Variants in NCBP3 observed in about 807,000 individuals in gnomAD.
NCBP3 encodes nuclear cap binding subunit 3.
Under a neutral mutation model 75.7 loss-of-function variants are expected in NCBP3, and 20 were observed. The ratio of observed to expected loss-of-function variants is 0.26; its 90% confidence interval spans 0.19 to 0.38. The LOEUF is 0.38. Ranked by LOEUF, NCBP3 falls within the 10% of genes least tolerant of loss-of-function variation. The pLI is 1.00. For synonymous variants in NCBP3, 293 were observed against 290.5 expected (o/e 1.01, Z -0.09); for missense variants, 678 against 796.9 (o/e 0.85, Z 1.80).
intron 7 of NCBP3, 180 bp downstream of exon 7, chr17:3,824,762 C>T: frequency 2.6e-6 from 1 of 379,034 alleles, no homozygotes; most frequent in Middle Eastern, 7.5e-4. Flanking sequence ...TTAATATTCA[C>T]TTTTAAAGTC....
At position 3,835,302 on chromosome 17, in the gene NCBP3, T is replaced by C. The variant is rs148495066; in HGVS notation, c.355+4798A>G. Among the ~76,000 whole-genome samples the C allele has an allele frequency of 1.3e-3, 198 of 152,332 alleles. 1 individual carries two copies. Among genetic ancestry groups the C allele is most frequent in the African/African-American group, 4.5e-3 (188 of 41,588 alleles). ...AAAAGACCTAAGTGCTTTGGCTGCA[T>C]ATAGGATGAGTGCAACACTGAAATG... On this transcript the variant is annotated intron_variant, in intron 3 of 12. Transcript: ENST00000389005.
In NCBP3 at chr17:3,818,091, T is replaced by G. The variant is rs942605431; in HGVS notation, c.1310+172A>C. On this transcript the variant is annotated intron_variant, in intron 10 of 12. Transcript: ENST00000389005. This position sits in a 1 kb window ranked among gnomAD's most constrained non-coding sequence, Gnocchi z 4.7. ...CACTTTCTATGTTGTCTTTTGTTTTTATAACAAGAATCACTGCTTGTATAG... is the reference window on the plus strand; with the variant it reads ...CACTTTCTATGTTGTCTTTTGTTTTGATAACAAGAATCACTGCTTGTATAG... Among the ~76,000 whole-genome samples the G allele has an allele frequency of 6.6e-6, 1 of 152,220 alleles. No individual in the cohort carries two copies. Among genetic ancestry groups the G allele is most frequent in the African/African-American group, 2.4e-5 (1 of 41,450 alleles).
chr17:3,816,349 T>C, intron 10 of NCBP3, 79 bp from the exon 11 acceptor site: 5 of 1,271,066 alleles, frequency 3.9e-6, no homozygotes, highest in South Asian at 1.4e-5. Context: ...TCTCATACTT[T>C]GGAGGAAACA....
In NCBP3 at chr17:3,803,635, G is replaced by A. The variant is rs929095329; in HGVS notation, c.*9409C>T. Reference sequence around the variant, plus strand: ...GGGGTGAGGGAGAAGAGGAGGGAACGAATGAAAGAGAAAATGTGGCAAAAT... The same window carrying A: ...GGGGTGAGGGAGAAGAGGAGGGAACAAATGAAAGAGAAAATGTGGCAAAAT... On this transcript the variant is annotated 3_prime_UTR_variant, in exon 13 of 13. Coordinates refer to ENST00000389005, the MANE Select transcript of NCBP3 (RefSeq NM_001114118.3). The A allele has an allele frequency of 6.6e-6, 1 of 152,184 alleles. No individual in the cohort carries two copies. The highest frequency in any genetic ancestry group is 1.5e-5 in the Non-Finnish European group (1 of 68,034). 9.4% of individuals were successfully genotyped at this position (152,184 alleles called of 1,614,324 possible). A position where few individuals can be genotyped will look rare whatever the true frequency, so the allele number is the denominator to read the frequency against.
intron 3 of NCBP3, among the ~76,000 whole-genome samples, chr17:3,833,519 ATG>A (rs2053920531): frequency 6.6e-6 from 1 of 151,946 alleles, no homozygotes; most frequent in Non-Finnish European, 1.5e-5. Context: ...TAAAATAGAC[ATG>A]TGAGGCTGGG....
Position 3,835,607 on chromosome 17 carries a change from C to T in NCBP3, c.355+4493G>A, listed in dbSNP as rs185969247. ...AGGCAATGCTCAACACAAGTAAGTACCCAAAAATAAAGTTGCCTGTCTCAT... is the reference window on the plus strand; with the variant it reads ...AGGCAATGCTCAACACAAGTAAGTATCCAAAAATAAAGTTGCCTGTCTCAT... On this transcript the variant is annotated intron_variant, in intron 3 of 12. Coordinates refer to ENST00000389005, the MANE Select transcript of NCBP3 (RefSeq NM_001114118.3). Among the ~76,000 whole-genome samples, 667 of 152,336 alleles carry T rather than the reference C, an allele frequency of 4.4e-3. 4 individuals are homozygous for T. The highest frequency in any genetic ancestry group is 0.015 in the African/African-American group (627 of 41,572).
Position 3,809,923 on chromosome 17 carries a change from T to C in NCBP3, c.*3121A>G, listed in dbSNP as rs2053383994. ...CAGTCACAAATAGACACATAGTATA[T>C]GATCCCATTTATATGAACTATCCAG... On this transcript the variant is annotated 3_prime_UTR_variant, in exon 13 of 13. Coordinates refer to ENST00000389005, the MANE Select transcript of NCBP3 (RefSeq NM_001114118.3). 1.3e-5 allele frequency: 2 copies of C among 152,184 alleles called. No homozygotes were observed. Among genetic ancestry groups the C allele is most frequent in the Non-Finnish European group, 2.9e-5 (2 of 68,040 alleles). 9.4% of individuals were successfully genotyped at this position (152,184 alleles called of 1,614,324 possible).
chr17:3,831,237 T>C (rs569931371), intron 3 of NCBP3, among the ~76,000 whole-genome samples: 3 of 151,982 alleles, frequency 2.0e-5, no homozygotes, highest in Admixed American at 1.3e-4. Context: ...TTAAGTACAT[T>C]ATCTCCTTTA....
At chr17:3,840,766 C>T (rs1276898261) in intron 2 of NCBP3, among the ~76,000 whole-genome samples, 1 of 152,178 alleles carries the variant, frequency 6.6e-6, no homozygotes, top group Non-Finnish European at 1.5e-5. Context: ...AGTCCACTCC[C>T]TAAAGCTAGT....
rs966962709 is a variant in NCBP3, at chr17:3,806,928, A to G, written c.*6116T>C. The G allele has an allele frequency of 1.3e-5, 2 of 152,206 alleles. No homozygotes were observed. The highest frequency in any genetic ancestry group is 2.9e-5 in the Non-Finnish European group (2 of 68,038). The allele number at this position is 152,206 out of a possible 1,614,324, so 9.4% of individuals were successfully genotyped here. A position where few individuals can be genotyped will look rare whatever the true frequency, so the allele number is the denominator to read the frequency against. On this transcript the variant is annotated 3_prime_UTR_variant, in exon 13 of 13. Transcript: ENST00000389005. ...TAACTTCTAATTTACTGCTTATTATAAGGTTTAAAAGCAATTACTGTACTT... is the reference window on the plus strand; with the variant it reads ...TAACTTCTAATTTACTGCTTATTATGAGGTTTAAAAGCAATTACTGTACTT...
chr17:3,830,057 T>C (rs764656314), intron 3 of NCBP3, among the ~76,000 whole-genome samples: 12 of 152,180 alleles, frequency 7.9e-5, no homozygotes, highest in Non-Finnish European at 1.2e-4. Flanking sequence ...TTACATCTTT[T>C]AGTGTGAAGT....
Position 3,826,091 on chromosome 17 carries a change from T to C in NCBP3, c.606A>G (p.Lys202=). The part of the protein sequence containing the change: ...ASEDKSAEKR[K]KDKQEDSSDD... ...TTCCCTCCTTTGTGTTGTTACCTTT[T>C]TTCCTTTTCTCAGCTGACTTGTCCT... Residue 202 remains lysine, a synonymous_variant, in exon 5 of 13, where the codon AAA becomes AAG. Coordinates refer to ENST00000389005, the MANE Select transcript of NCBP3 (RefSeq NM_001114118.3). The C allele has an allele frequency of 6.4e-7, 1 of 1,551,200 alleles. No homozygotes were observed. The highest frequency in any genetic ancestry group is 8.7e-7 in the Non-Finnish European group (1 of 1,146,792).
intron 1 of NCBP3, 89 bp downstream of exon 1, chr17:3,845,952 G>T (rs1291758854): frequency 5.0e-6 from 7 of 1,405,464 alleles, no homozygotes; most frequent in African/African-American, 4.5e-5. Flanking sequence ...TTCCCCGGCT[G>T]GGGCTCCGGC....
chr17:3,813,035 C>A lies in NCBP3; in HGVS notation c.*9G>T, dbSNP rs200612423. 7 of 1,613,966 alleles carry A rather than the reference C, an allele frequency of 4.3e-6. No homozygotes were observed. In the African/African-American group the frequency reaches 9.3e-5, roughly 22 times the overall value. ...GGCTTTAGGGCAGCTGCCATAGGCC[C>A]CAGGGGCATCAGGACTCTGCCTCTG... On this transcript the variant is annotated 3_prime_UTR_variant, in exon 13 of 13. Transcript: ENST00000389005.
intron 11 of NCBP3, 35 bp downstream of exon 11, chr17:3,816,081 A>T: frequency 6.3e-7 from 1 of 1,594,648 alleles, no homozygotes; most frequent in Non-Finnish European, 8.5e-7. Context: ...TCCGGAGCTC[A>T]GAATCCAGCC....
chr17:3,840,606 A>T (rs2054047250), intron 2 of NCBP3, among the ~76,000 whole-genome samples: 1 of 152,238 alleles, frequency 6.6e-6, no homozygotes, highest in South Asian at 2.1e-4. Context: ...GGCACAAAAA[A>T]GCAAAAAGGT....
Position 3,808,115 on chromosome 17 carries a change from G to A in NCBP3, c.*4929C>T, listed in dbSNP as rs1048952101. On this transcript the variant is annotated 3_prime_UTR_variant, in exon 13 of 13. Transcript: ENST00000389005. Reference sequence around the variant, plus strand: ...AAGCTCATGCCTCTGCTGCACCTGCGGCCTGCCTCAGTTCCCAAGCTCCCC... The same window carrying A: ...AAGCTCATGCCTCTGCTGCACCTGCAGCCTGCCTCAGTTCCCAAGCTCCCC... 1.3e-5 allele frequency: 2 copies of A among 152,140 alleles called. No homozygotes were observed. The highest frequency in any genetic ancestry group is 2.4e-5 in the African/African-American group (1 of 41,416). The allele number at this position is 152,140 out of a possible 1,614,324, so 9.4% of individuals were successfully genotyped here.
rs754596030 is a variant in NCBP3 at position 3,813,199 on chromosome 17, C to T, written c.1708G>A (p.Ala570Thr). The stretch of plus-strand genomic sequence containing the variant: ...TGCAGCTCAGAGTCGTCTTCCTCAG[C>T]GCCAGGCGCCCTGTGATCCACTTTC... The part of the protein sequence containing the change: ...TKKVDHRAPG[A>T]EEDDSELQRA... The change falls in exon 13 of 13, where the codon GCT (alanine) becomes ACT (threonine). Residue 570 changes from alanine to threonine, a missense_variant. Coordinates refer to ENST00000389005, the MANE Select transcript of NCBP3 (RefSeq NM_001114118.3). The T allele has an allele frequency of 3.0e-5, 48 of 1,614,144 alleles. No individual in the cohort carries two copies. Among genetic ancestry groups the T allele is most frequent in the Non-Finnish European group, 3.8e-5 (45 of 1,180,056 alleles).
In NCBP3 at chr17:3,812,623, G is replaced by T. The variant is rs879174497; in HGVS notation, c.*421C>A. ...GATGTCCAATAAGCACCTGGGAATTGACTTTTCTTGGGAAAAGGGTGCTGG... is the reference window on the plus strand; with the variant it reads ...GATGTCCAATAAGCACCTGGGAATTTACTTTTCTTGGGAAAAGGGTGCTGG... On this transcript the variant is annotated 3_prime_UTR_variant, in exon 13 of 13. Transcript: ENST00000389005. The T allele has an allele frequency of 3.6e-5, 37 of 1,018,582 alleles. No homozygotes were observed. The South Asian group carries it at 1.3e-3, about 34-fold the overall frequency. The allele number at this position is 1,018,582 out of a possible 1,614,324, so 63.1% of individuals were successfully genotyped here.
Sources: allele counts gnomAD v4.1 joint callset (sites outside exome capture counted in the v4.1 genomes callset), GRCh38; gene constraint gnomAD v4.1.1; non-coding constraint Gnocchi (gnomAD v3.1); transcripts MANE v1.5; gene names NCBI Gene and HGNC (gene_info 2026-07-23, HGNC 2026-07-21).